Variants in KAZN observed in about 807,000 individuals in gnomAD.
KAZN encodes kazrin, periplakin interacting protein, also known as kazrin.
In KAZN, 40 loss-of-function variants were observed where a neutral mutation model predicts 87.4. The ratio of observed to expected loss-of-function variants is 0.46; its 90% confidence interval spans 0.36 to 0.60. The LOEUF (loss-of-function observed/expected upper bound fraction) is 0.60, where lower values mean the gene tolerates loss of function less well. Ranked by LOEUF, KAZN falls within the 20% of genes least tolerant of loss-of-function variation. KAZN has a pLI of 0.00. For synonymous variants in KAZN, 466 were observed against 458.3 expected (o/e 1.02, Z -0.22); for missense variants, 898 against 1,073.9 (o/e 0.84, Z 2.29).
intron 2 of KAZN, among the ~76,000 whole-genome samples, chr1:14,232,294 C>A (rs547036723): frequency 6.6e-6 from 1 of 152,070 alleles, no homozygotes; most frequent in African/African-American, 2.4e-5. Flanking sequence ...GTGGGGGCAG[C>A]GCAGGCAGTG....
At chr1:14,405,646 G>GTGT (rs558097226) in intron 2 of KAZN, among the ~76,000 whole-genome samples, 84 of 149,284 alleles carry the variant, frequency 5.6e-4, no homozygotes, top group Non-Finnish European at 1.2e-3. Flanking sequence ...GTGTGTGTGT[G>GTGT]TTTATACAGA....
intron 1 of KAZN, among the ~76,000 whole-genome samples, chr1:14,899,621 A>G (rs1368306417): frequency 6.6e-6 from 1 of 152,130 alleles, no homozygotes; most frequent in African/African-American, 2.4e-5. Flanking sequence ...AAAGTGCAGT[A>G]TTCTAGCCAA....
intron 1 of KAZN, among the ~76,000 whole-genome samples, chr1:14,625,436 T>C (rs1456494160): frequency 6.6e-6 from 1 of 152,006 alleles, no homozygotes; most frequent in Non-Finnish European, 1.5e-5. Context: ...TCTCTGCAAG[T>C]GGAAAATGAA....
At chr1:14,186,531 C>G (rs1381906226) in intron 2 of KAZN, among the ~76,000 whole-genome samples, 1 of 152,280 alleles carries the variant, frequency 6.6e-6, no homozygotes, top group East Asian at 1.9e-4. Context: ...GTTAGGACAA[C>G]TTGGCTCCAA....
At chr1:14,385,523 C>T (rs927586623) in intron 2 of KAZN, among the ~76,000 whole-genome samples, 8 of 152,040 alleles carry the variant, frequency 5.3e-5, no homozygotes, top group Non-Finnish European at 1.0e-4. Context: ...TCTTTGTTCT[C>T]GTTGGTTTCA....
chr1:14,908,471 G>A (rs939138537), intron 1 of KAZN, among the ~76,000 whole-genome samples: 3 of 152,118 alleles, frequency 2.0e-5, no homozygotes, highest in African/African-American at 7.2e-5. Flanking sequence ...GAGCCTGGAA[G>A]GCAGAGGTTG....
chr1:14,585,184 AATAC>A, intron 2 of KAZN, among the ~76,000 whole-genome samples: 1 of 152,314 alleles, frequency 6.6e-6, no homozygotes, highest in Admixed American at 6.5e-5. Flanking sequence ...ACTCTGAGGA[AATAC>A]ATTTCTGTTG....
intron 1 of KAZN, among the ~76,000 whole-genome samples, chr1:14,874,470 CTGG>C (rs1652521228): frequency 6.1e-5 from 9 of 147,976 alleles, no homozygotes; most frequent in Non-Finnish European, 1.3e-4. Flanking sequence ...AGCTGGCTGA[CTGG>C]ATGGATGGAT....
chr1:14,344,850 T>G (rs916913989), intron 2 of KAZN, among the ~76,000 whole-genome samples: 30 of 151,868 alleles, frequency 2.0e-4, no homozygotes, highest in Non-Finnish European at 7.4e-5. Context: ...CTCATGTAAA[T>G]GAGAGTTCAC....
At chr1:14,147,332 ATGGACCCTACTTGGCTGAG>A (rs371472902) in intron 1 of KAZN, among the ~76,000 whole-genome samples, 256 of 152,314 alleles carry the variant, frequency 1.7e-3, no homozygotes, top group African/African-American at 5.9e-3. Flanking sequence ...AATGCAGGCC[ATGGACCCTACTTGGCTGAG>A]TTTAAACCCT....
At chr1:13,937,051 G>T (rs868186837) in intron 1 of KAZN, among the ~76,000 whole-genome samples, 9 of 134,746 alleles carry the variant, frequency 6.7e-5, no homozygotes, top group Non-Finnish European at 8.1e-5. Context: ...TTTTTCTTTT[G>T]TTTTTTTTTT....
At chr1:14,419,310 G>A (rs1015470218) in intron 2 of KAZN, among the ~76,000 whole-genome samples, 1 of 152,134 alleles carries the variant, frequency 6.6e-6, no homozygotes, top group Non-Finnish European at 1.5e-5. Context: ...GAAAGGCCGG[G>A]TCTGACCCCT....
rs912176043 is a variant in KAZN at position 14,599,750 on chromosome 1, G to A, written c.226+527G>A. ...TGGACTTTATTTTCTTCTCATTTGA[G>A]GTCTCTCAGGCATTGGAATCTATAG... On this transcript the variant is annotated intron_variant, in intron 1 of 14. Coordinates refer to ENST00000376030, the MANE Select transcript of KAZN (RefSeq NM_201628.3). The surrounding 1 kb of genome is among the most constrained non-coding windows in gnomAD (Gnocchi z 4.4). Among the ~76,000 whole-genome samples the A allele has an allele frequency of 6.6e-6, 1 of 152,136 alleles. No homozygotes were observed. The highest frequency in any genetic ancestry group is 1.5e-5 in the Non-Finnish European group (1 of 68,040).
chr1:14,729,459 G>A (rs1421128147), intron 1 of KAZN, among the ~76,000 whole-genome samples: 3 of 152,214 alleles, frequency 2.0e-5, no homozygotes, highest in African/African-American at 7.2e-5. Flanking sequence ...CGACCCTAAT[G>A]GGTTTTGTGA....
intron 1 of KAZN, among the ~76,000 whole-genome samples, chr1:14,705,680 TGA>T (rs1642170695): frequency 6.6e-6 from 1 of 152,108 alleles, no homozygotes; most frequent in Non-Finnish European, 1.5e-5. Context: ...AGCCAGGAAC[TGA>T]GAGTTAAACA....
At chr1:13,936,385 A>T (rs1444173063) in intron 1 of KAZN, among the ~76,000 whole-genome samples, 1 of 151,858 alleles carries the variant, frequency 6.6e-6, no homozygotes, top group Non-Finnish European at 1.5e-5. Flanking sequence ...TACTGGCATG[A>T]GCCACCATGC....
At chr1:14,887,147 GT>G (rs540089489) in intron 1 of KAZN, among the ~76,000 whole-genome samples, 111 of 152,240 alleles carry the variant, frequency 7.3e-4, no homozygotes, top group Non-Finnish European at 1.3e-3. Context: ...TTCCTCCTCT[GT>G]TTTCCCATTT....
intron 2 of KAZN, among the ~76,000 whole-genome samples, chr1:14,406,374 G>C (rs1400346975): frequency 6.6e-6 from 1 of 152,166 alleles, no homozygotes; most frequent in African/African-American, 2.4e-5. Flanking sequence ...AAAAGAATGA[G>C]TTAATGGCAT....
At chr1:14,183,612 T>C (rs1646244610) in intron 2 of KAZN, among the ~76,000 whole-genome samples, 1 of 152,138 alleles carries the variant, frequency 6.6e-6, no homozygotes, top group African/African-American at 2.4e-5. Flanking sequence ...TTCTTTCTGG[T>C]AGAGATTAAT....
Sources: allele counts gnomAD v4.1 joint callset (sites outside exome capture counted in the v4.1 genomes callset), GRCh38; gene constraint gnomAD v4.1.1; non-coding constraint Gnocchi (gnomAD v3.1); transcripts MANE v1.5; gene names NCBI Gene and HGNC (gene_info 2026-07-23, HGNC 2026-07-21).